Variants in GPD2 observed in about 807,000 individuals in gnomAD.
The protein encoded by GPD2 is glycerol-3-phosphate dehydrogenase, mitochondrial.
In GPD2, 54 loss-of-function variants were observed where a neutral mutation model predicts 82.4. The ratio of observed to expected loss-of-function variants is 0.66; its 90% CI spans 0.53 to 0.82. GPD2 has a LOEUF of 0.82. Among genes scored for constraint, GPD2 ranks in the 40% least tolerant of loss-of-function variants. GPD2 has a pLI of 0.00. For missense variants in GPD2, 748 were observed against 896.2 expected (o/e 0.83, Z 2.11); for synonymous variants, 288 against 306.1 (o/e 0.94, Z 0.62).
chr2:156,449,585 T>G (rs1682480900), intron 1 of GPD2, among the ~76,000 whole-genome samples: 1 of 152,136 alleles, frequency 6.6e-6, no homozygotes, highest in Admixed American at 6.6e-5. Flanking sequence ...TTGCTCTCAT[T>G]GAGAATACAT....
chr2:156,577,929 T>G (rs1284662428), intron 13 of GPD2, among the ~76,000 whole-genome samples: 2 of 152,166 alleles, frequency 1.3e-5, no homozygotes, highest in Non-Finnish European at 2.9e-5. Context: ...TACTCAAAAG[T>G]AGCATATATC....
chr2:156,567,815 A>G (rs901306480), intron 9 of GPD2, among the ~76,000 whole-genome samples: 7 of 152,104 alleles, frequency 4.6e-5, no homozygotes, highest in Non-Finnish European at 1.0e-4. Context: ...TCATTTTTAG[A>G]TTAGTAATGA....
At chr2:156,447,367 T>C (rs1035463826) in intron 1 of GPD2, among the ~76,000 whole-genome samples, 7 of 152,104 alleles carry the variant, frequency 4.6e-5, no homozygotes, top group African/African-American at 1.4e-4. Flanking sequence ...CAGGGTCTTA[T>C]CCTGTCACTC....
rs757179675 is a variant in GPD2 at position 156,512,213 on chromosome 2, C to T, written c.400-7C>T. 3.1e-5 allele frequency: 45 copies of T among 1,468,982 alleles called. No individual in the cohort carries two copies. The highest frequency in any genetic ancestry group is 3.9e-5 in the Non-Finnish European group (41 of 1,047,596). 91.0% of individuals were successfully genotyped at this position (1,468,982 alleles called of 1,614,324 possible). ...GCCAAACTAATTTTCTCTGTTTTGC[C>T]TTTCAGTATAGGATGGTAAAAGAAG... On this transcript the variant is annotated splice_region_variant and splice_polypyrimidine_tract_variant and intron_variant, in intron 4 of 16. Coordinates refer to ENST00000438166, the MANE Select transcript of GPD2 (RefSeq NM_000408.5).
chr2:156,519,799 G>A (rs1685332081), intron 6 of GPD2, among the ~76,000 whole-genome samples: 1 of 152,176 alleles, frequency 6.6e-6, no homozygotes, highest in Admixed American at 6.5e-5. Flanking sequence ...CAGGTGCCTG[G>A]GCCAGGGTGA....
intron 6 of GPD2, among the ~76,000 whole-genome samples, chr2:156,538,471 T>C (rs1440558433): frequency 7.0e-6 from 1 of 142,892 alleles, no homozygotes. Flanking sequence ...TGACTCAGAT[T>C]GCTGTTAAAA....
the GPD2 span, among the ~76,000 whole-genome samples, chr2:156,416,475 G>A: frequency 1.1e-4 from 17 of 149,708 alleles, no homozygotes; most frequent in Admixed American, 3.3e-4. Context: ...AGTCTCCTGA[G>A]AAGCTAGGAC....
chr2:156,445,037 C>A (rs1018808201), intron 1 of GPD2, among the ~76,000 whole-genome samples: 4 of 152,232 alleles, frequency 2.6e-5, no homozygotes, highest in Admixed American at 6.5e-5. Context: ...GCATGAGCCC[C>A]TGTGCCTGGC....
At chr2:156,418,040 C>T in the GPD2 span, among the ~76,000 whole-genome samples, 11 of 151,576 alleles carry the variant, frequency 7.3e-5, no homozygotes, top group South Asian at 2.3e-3. Flanking sequence ...TATGGTGAAA[C>T]CCCATCTCTA....
chr2:156,403,670 C>T, the GPD2 span, among the ~76,000 whole-genome samples: 1,881 of 151,948 alleles, frequency 0.012, 27 homozygotes, highest in African/African-American at 0.033. Context: ...GCAGTCCACC[C>T]AACTCCTTCT....
rs140203221 is a variant in GPD2, at chr2:156,569,384, G to C, written c.1322G>C (p.Arg441Pro). The C allele has an allele frequency of 6.2e-7, 1 of 1,609,978 alleles. No homozygotes were observed. The change falls in exon 11 of 17, where the codon CGG becomes CCG. Residue 441 changes from arginine (R) to proline (P), a missense_variant. Transcript: ENST00000438166. The stretch of plus-strand genomic sequence containing the variant: ...ATAGGTGGAAAGTGGACAACTTATC[G>C]GTCTATGGCAGAAGATACCATAAAT... ...TIAGGKWTTY[R>P]SMAEDTINAA...
At chr2:156,532,299 A>C (rs1183587382) in intron 6 of GPD2, among the ~76,000 whole-genome samples, 1 of 152,154 alleles carries the variant, frequency 6.6e-6, no homozygotes, top group African/African-American at 2.4e-5. Context: ...GAGCCACTGC[A>C]TCCAGCCCCC....
At chr2:156,511,839 A>G (rs1489037985) in intron 4 of GPD2, among the ~76,000 whole-genome samples, 4 of 152,224 alleles carry the variant, frequency 2.6e-5, no homozygotes. Context: ...CATGAAGGCA[A>G]GATGGAAACT....
chr2:156,494,000 T>C (rs1237801345), intron 2 of GPD2, among the ~76,000 whole-genome samples: 2 of 150,934 alleles, frequency 1.3e-5, no homozygotes, highest in East Asian at 2.0e-4. Flanking sequence ...AAGACCATAA[T>C]TGAAATATGT....
chr2:156,484,713 G>T (rs1440518910), intron 2 of GPD2, among the ~76,000 whole-genome samples: 3 of 151,998 alleles, frequency 2.0e-5, no homozygotes, highest in African/African-American at 7.2e-5. Flanking sequence ...GGTGGTGGAT[G>T]CCTATAATCC....
the GPD2 span, among the ~76,000 whole-genome samples, chr2:156,409,674 T>G: frequency 1.0e-3 from 157 of 152,146 alleles, no homozygotes; most frequent in Non-Finnish European, 2.9e-4. Flanking sequence ...TACTCCAAAC[T>G]GAATGACAGA....
chr2:156,557,678 C>G, intron 9 of GPD2, 96 bp downstream of exon 9: 2 of 769,956 alleles, frequency 2.6e-6, no homozygotes, highest in Non-Finnish European at 4.6e-6. Context: ...CAGTCTGACT[C>G]ATCTTCACAC....
chr2:156,433,476 A>ATT (rs1688343126), upstream of GPD2, among the ~76,000 whole-genome samples: 1 of 151,984 alleles, frequency 6.6e-6, no homozygotes, highest in South Asian at 2.1e-4. Flanking sequence ...ACTCCCTATG[A>ATT]TTTCATCCCT....
chr2:156,519,099 T>C (rs1405741007), intron 6 of GPD2, among the ~76,000 whole-genome samples: 1 of 152,210 alleles, frequency 6.6e-6, no homozygotes, highest in Non-Finnish European at 1.5e-5. Flanking sequence ...GGTTCAAATG[T>C]CTATAATATA....
Sources: gnomAD v4.1 joint callset for allele counts (sites outside exome capture counted in the v4.1 genomes callset) on GRCh38, gnomAD v4.1.1 for gene constraint, MANE v1.5 for transcripts, NCBI Gene and HGNC (gene_info 2026-07-23, HGNC 2026-07-21) for gene names.